The following ZBTB46 variants were observed in gnomAD, a reference collection of about 807,000 sequenced individuals.
ZBTB46 encodes zinc finger and BTB domain containing 46, also known as zinc finger and BTB domain-containing protein 46.
ZBTB46 carries 8 observed loss-of-function variants against 44.1 expected under a neutral mutation model. That is an observed-to-expected ratio of 0.18 (90% confidence interval 0.11 to 0.33). The LOEUF (loss-of-function observed/expected upper bound fraction) is 0.33. ZBTB46 is among the 10% of genes least tolerant of loss of function. The pLI is 1.00. For synonymous variants in ZBTB46, 409 were observed against 382.3 expected (o/e 1.07, Z -0.81); for missense variants, 651 against 847.7 (o/e 0.77, Z 2.88).
chr20:63,778,488 A>G (rs1230983949), intron 2 of ZBTB46, among the ~76,000 whole-genome samples: 1 of 152,206 alleles, frequency 6.6e-6, no homozygotes, highest in Non-Finnish European at 1.5e-5. Flanking sequence ...CACTTGGAGC[A>G]GGGGCAGAGG....
At position 63,775,952 on chromosome 20, in the gene ZBTB46, C is replaced by G. The variant is rs993251105; in HGVS notation, c.948G>C (p.Leu316=). The G allele has an allele frequency of 6.4e-7, 1 of 1,569,236 alleles. No homozygotes were observed. Among genetic ancestry groups the G allele is most frequent in the Admixed American group, 1.8e-5 (1 of 55,622 alleles). The change falls in exon 3 of 5, where the codon CTG becomes CTC. Residue 316 remains leucine, a synonymous_variant. Coordinates refer to ENST00000245663, the MANE Select transcript of ZBTB46 (RefSeq NM_001369741.1). ...PFSSRDSNAD[L]SVTEASSSDS... is the part of the protein sequence containing the mutation. ...CGGAGCTGCTGGCTTCGGTGACGGA[C>G]AGGTCCGCATCTGGGGACAGAGGGA...
rs376013890 is a variant in ZBTB46, at chr20:63,790,044, G to A, written c.714C>T (p.Tyr238=). 72 of 1,613,926 alleles carry A rather than the reference G, an allele frequency of 4.5e-5. No homozygotes were observed. Among genetic ancestry groups the A allele is most frequent in the South Asian group, 4.1e-4 (37 of 91,090 alleles). ...TGGCAGAAGGCAGCTCGCTCCCTCC[G>A]TACTGAGACGGTGAAACCTGCTCTT... is the stretch of plus-strand genomic sequence containing the variant. The part of the protein sequence containing the change: ...IKEEQVSPSQ[Y]GGSELPSAKD... The change falls in exon 2 of 5, where the codon TAC becomes TAT. Residue 238 remains tyrosine, a synonymous_variant. Transcript: ENST00000245663.
chr20:63,802,372 A>T (rs1362297198), intron 1 of ZBTB46, among the ~76,000 whole-genome samples: 1 of 152,002 alleles, frequency 6.6e-6, no homozygotes, highest in African/African-American at 2.4e-5. Context: ...CAGTGAGCTG[A>T]GATTGCGCCA....
intron 1 of ZBTB46, among the ~76,000 whole-genome samples, chr20:63,791,901 C>T (rs1057122079): frequency 5.9e-5 from 9 of 152,214 alleles, no homozygotes; most frequent in Non-Finnish European, 1.2e-4. Context: ...CCCTATCAAG[C>T]CTGGGAGGCT....
intron 4 of ZBTB46, among the ~76,000 whole-genome samples, chr20:63,749,626 G>A (rs1456040157): frequency 3.9e-5 from 6 of 152,176 alleles, no homozygotes; most frequent in African/African-American, 1.2e-4. Context: ...GTCAGCCACC[G>A]CGCCCAGCCT....
At chr20:63,811,525 T>A (rs2092717611) in intron 1 of ZBTB46, among the ~76,000 whole-genome samples, 1 of 152,030 alleles carries the variant, frequency 6.6e-6, no homozygotes, top group Non-Finnish European at 1.5e-5. Context: ...ACTGTGCTCA[T>A]AGCCATAGGC....
chr20:63,798,340 T>C (rs1243978731), intron 1 of ZBTB46, among the ~76,000 whole-genome samples: 5 of 152,092 alleles, frequency 3.3e-5, no homozygotes, highest in Non-Finnish European at 7.3e-5. Flanking sequence ...GGCTCTGTTC[T>C]GTTCTATTGG....
intron 3 of ZBTB46, among the ~76,000 whole-genome samples, chr20:63,774,573 ACTCT>A (rs1171255265): frequency 4.0e-5 from 6 of 151,192 alleles, no homozygotes; most frequent in Non-Finnish European, 8.8e-5. Flanking sequence ...CGCCTCACTC[ACTCT>A]CAGCCGCATG....
intron 1 of ZBTB46, among the ~76,000 whole-genome samples, chr20:63,807,808 G>A (rs550888956): frequency 6.6e-6 from 1 of 152,272 alleles, no homozygotes; most frequent in African/African-American, 2.4e-5. Flanking sequence ...GGCGCCTCAG[G>A]GCTCGCTCCC....
chr20:63,823,570 G>A (rs1227141077), intron 1 of ZBTB46, among the ~76,000 whole-genome samples: 2 of 151,876 alleles, frequency 1.3e-5, no homozygotes, highest in Non-Finnish European at 2.9e-5. Context: ...GTGTGGTGGT[G>A]CGTGCTTGTA....
At chr20:63,766,460 C>T (rs990368649) in intron 3 of ZBTB46, among the ~76,000 whole-genome samples, 1 of 151,850 alleles carries the variant, frequency 6.6e-6, no homozygotes, top group Non-Finnish European at 1.5e-5. Context: ...AGGTGATCCG[C>T]CCACCTTGGC....
chr20:63,827,854 T>C (rs2092828262), intron 1 of ZBTB46, among the ~76,000 whole-genome samples: 1 of 152,228 alleles, frequency 6.6e-6, no homozygotes, highest in Non-Finnish European at 1.5e-5. Context: ...CATACTTAGG[T>C]CAAATTTCAC....
chr20:63,775,384 G>A (rs1049304256), intron 3 of ZBTB46: 7 of 335,694 alleles, frequency 2.1e-5, no homozygotes, highest in Middle Eastern at 8.0e-4. Flanking sequence ...GGACGAGCTC[G>A]CATTCAGCCA....
At position 63,761,124 on chromosome 20, in the gene ZBTB46, G is replaced by A. The variant is rs924239319; in HGVS notation, c.1223-8263C>T. 6.1e-5 allele frequency among the ~76,000 whole-genome samples: 9 copies of A among 148,164 alleles called. No individual in the cohort carries two copies. The East Asian group carries it at 9.9e-4, about 16-fold the overall frequency. On this transcript the variant is annotated intron_variant, in intron 3 of 4. Coordinates refer to ENST00000245663, the MANE Select transcript of ZBTB46 (RefSeq NM_001369741.1). ...AGCAATTCTCCTGCCTCAGCCTCCC[G>A]AGTAGCTGGGATTACAGGCACCCAC...
chr20:63,811,613 C>A (rs2092718137), intron 1 of ZBTB46, among the ~76,000 whole-genome samples: 1 of 151,684 alleles, frequency 6.6e-6, no homozygotes, highest in Admixed American at 6.6e-5. Context: ...ACCCTGACCC[C>A]TGGGCCCAGC....
At chr20:63,777,411 G>A (rs887266186) in intron 2 of ZBTB46, among the ~76,000 whole-genome samples, 1 of 152,204 alleles carries the variant, frequency 6.6e-6, no homozygotes, top group Admixed American at 6.5e-5. Flanking sequence ...AGGCTGTGGT[G>A]AGCTGTGATC....
chr20:63,804,704 C>A (rs1188505258), intron 1 of ZBTB46, among the ~76,000 whole-genome samples: 1 of 151,936 alleles, frequency 6.6e-6, no homozygotes, highest in Non-Finnish European at 1.5e-5. Flanking sequence ...CCAGCCTGGC[C>A]AACATGGTGA....
intron 3 of ZBTB46, among the ~76,000 whole-genome samples, chr20:63,768,911 C>T (rs1338611021): frequency 6.6e-6 from 1 of 152,128 alleles, no homozygotes; most frequent in Non-Finnish European, 1.5e-5. Context: ...ATGTTTCCAA[C>T]CCACTGCAAC....
rs776743072 is a variant in ZBTB46 at position 63,789,827 on chromosome 20, C to T, written c.931G>A (p.Asp311Asn). 1.2e-6 allele frequency: 2 copies of T among 1,608,220 alleles called. No individual in the cohort carries two copies. Among genetic ancestry groups the T allele is most frequent in the Non-Finnish European group, 1.7e-6 (2 of 1,178,428 alleles). ...PTSGWPFSSR[D>N]SNADLSVTEA... ...TAACGAGTGAAAGGCTTACTTGAGT[C>T]TCGGCTGCTGAACGGCCACCCCGAC... is the stretch of plus-strand genomic sequence containing the variant. Residue 311 changes from aspartate to asparagine, a missense_variant, in exon 2 of 5, where the codon GAC becomes AAC. Asp to Asn is a conservative substitution (Grantham distance 23). Transcript: ENST00000245663.
Sources: allele counts gnomAD v4.1 joint callset (sites outside exome capture counted in the v4.1 genomes callset), GRCh38; gene constraint gnomAD v4.1.1; transcripts MANE v1.5; gene names NCBI Gene and HGNC (gene_info 2026-07-23, HGNC 2026-07-21).